The following MATR3 variants were observed in gnomAD, a reference collection of about 807,000 sequenced individuals.
The protein encoded by MATR3 is matrin-3.
Under a neutral mutation model 85.5 loss-of-function variants are expected in MATR3, and 4 were observed. That is an observed-to-expected ratio of 0.05 (90% confidence interval 0.02 to 0.11). MATR3 has a LOEUF of 0.11. Among genes scored for constraint, MATR3 ranks in the 10% least tolerant of loss-of-function variants. The pLI is 1.00. For synonymous variants in MATR3, 336 were observed against 343.1 expected, an observed-to-expected ratio of 0.98 and a Z score of 0.23; for missense variants, 685 against 1,016.1, an observed-to-expected ratio of 0.67 and a Z score of 4.43.
chr5:139,317,523 G>C (rs988529758), intron 6 of MATR3, 73 bp from the exon 7 acceptor site: 3 of 1,404,474 alleles, frequency 2.1e-6, no homozygotes, highest in Admixed American at 3.4e-5. Flanking sequence ...ATTATAAAAA[G>C]TCCTAATGCG....
chr5:139,284,314 GTGA>G (rs1451758801), intron 3 of MATR3, among the ~76,000 whole-genome samples: 1 of 152,244 alleles, frequency 6.6e-6, no homozygotes, highest in East Asian at 1.9e-4. Flanking sequence ...TAAACATTAA[GTGA>G]TGATAATGGA....
At chr5:139,317,424 G>A (rs778115352) in intron 6 of MATR3, among the ~76,000 whole-genome samples, 172 bp from the exon 7 acceptor site, 18 of 152,190 alleles carry the variant, frequency 1.2e-4, no homozygotes, top group Admixed American at 5.2e-4. Flanking sequence ...TGGTCAGAAA[G>A]AACTTACCCA....
rs1359945511 is a variant in MATR3, at chr5:139,330,297, A to C, written c.*902A>C. On this transcript the variant is annotated 3_prime_UTR_variant, in exon 15 of 15. Transcript: ENST00000394805. ...GCACATGTGACCTTTGTGAACAGAA[A>C]TTTGCATGTATAATTTGTGTTTACT... 7 of 453,548 alleles carry C rather than the reference A, an allele frequency of 1.5e-5. No individual in the cohort carries two copies. Among genetic ancestry groups the C allele is most frequent in the Non-Finnish European group, 3.1e-5 (7 of 226,314 alleles). 28.1% of individuals were successfully genotyped at this position (453,548 alleles called of 1,614,324 possible).
chr5:139,292,577 G>C (rs900872526), upstream of MATR3, among the ~76,000 whole-genome samples: 4 of 152,154 alleles, frequency 2.6e-5, no homozygotes, highest in African/African-American at 9.7e-5. Context: ...AGAGTGTATT[G>C]CATTCAGTCA....
At chr5:139,276,202 G>T (rs1290915948) in intron 2 of MATR3, 13 of 456,606 alleles carry the variant, frequency 2.8e-5, no homozygotes, top group Non-Finnish European at 4.4e-6. Context: ...CAGCTGCCTA[G>T]GTTGTCTTGT....
At chr5:139,301,733 G>GT (rs1754455820) in intron 1 of MATR3, among the ~76,000 whole-genome samples, 1 of 152,186 alleles carries the variant, frequency 6.6e-6, no homozygotes, top group Non-Finnish European at 1.5e-5. Flanking sequence ...GGTACACGGG[G>GT]TAACTTTCTA....
intron 14 of MATR3, among the ~76,000 whole-genome samples, chr5:139,329,029 G>A (rs554329053): frequency 1.3e-5 from 2 of 151,918 alleles, no homozygotes; most frequent in Non-Finnish European, 2.9e-5. Flanking sequence ...AAAAGTGCAT[G>A]TCATTTAAAC....
At chr5:139,300,026 T>C (rs1371167439) in intron 1 of MATR3, 1 of 151,994 alleles carries the variant, frequency 6.6e-6, no homozygotes, top group Non-Finnish European at 1.5e-5. Context: ...TTTTTCCACT[T>C]TTACTAGAAT....
At chr5:139,284,203 TAAAA>T (rs1753629388) in intron 3 of MATR3, among the ~76,000 whole-genome samples, 1 of 152,208 alleles carries the variant, frequency 6.6e-6, no homozygotes, top group Non-Finnish European at 1.5e-5. Context: ...TTTGTTCTTA[TAAAA>T]GAATTTTTTT....
chr5:139,317,126 T>G (rs1241825160), intron 6 of MATR3, 21 bp downstream of exon 6: 5 of 1,599,738 alleles, frequency 3.1e-6, no homozygotes, highest in East Asian at 2.2e-5. Context: ...AAGCTTTTGG[T>G]TTTACTGTAT....
intron 1 of MATR3, among the ~76,000 whole-genome samples, chr5:139,298,686 G>A (rs913906036): frequency 1.3e-5 from 2 of 152,136 alleles, no homozygotes; most frequent in African/African-American, 2.4e-5. Flanking sequence ...TTTTAGATAC[G>A]TGACTGAAAA....
chr5:139,313,116 A>G (rs1237689577), intron 2 of MATR3: 1 of 148,932 alleles, frequency 6.7e-6, no homozygotes, highest in Non-Finnish European at 1.5e-5. Flanking sequence ...GTACCTTGGT[A>G]CCTTACTCTA....
chr5:139,325,260 A>G (rs1232868165), intron 12 of MATR3, 180 bp from the exon 13 acceptor site: 13 of 1,549,582 alleles, frequency 8.4e-6, no homozygotes, highest in South Asian at 6.0e-5. Flanking sequence ...ATGCTGCAGG[A>G]TAATTGTTGC....
Position 139,331,641 on chromosome 5 carries a change from C to A in MATR3, c.*2246C>A. On this transcript the variant is annotated 3_prime_UTR_variant, in exon 15 of 15. Transcript: ENST00000394805. ...AGCCCTTAGTTTAATCTTACATTAT[C>A]CTACAAAAGTGAATGAAACTTCTAG... is the stretch of plus-strand genomic sequence containing the variant. 2.2e-6 allele frequency: 1 copy of A among 448,916 alleles called. No individual in the cohort carries two copies. Among genetic ancestry groups the A allele is most frequent in the Non-Finnish European group, 4.4e-6 (1 of 224,722 alleles). 27.8% of individuals were successfully genotyped at this position (448,916 alleles called of 1,614,324 possible).
intron 1 of MATR3, among the ~76,000 whole-genome samples, chr5:139,299,490 G>A (rs139259257): frequency 3.9e-5 from 6 of 152,270 alleles, no homozygotes; most frequent in Non-Finnish European, 8.8e-5. Flanking sequence ...CTCATGCAAC[G>A]TAGTGAGACC....
chr5:139,321,002 C>T lies in MATR3; in HGVS notation c.1603-896C>T, dbSNP rs145974206. On this transcript the variant is annotated intron_variant, in intron 9 of 14. Transcript: ENST00000394805. ...CGATCCCCTGACCTTGTGATCCGCC[C>T]GTCTCGGCCTCCCAAAGTGCTGGGA... Among the ~76,000 whole-genome samples the T allele has an allele frequency of 8.2e-3, 1,247 of 151,612 alleles. 13 individuals are homozygous for T. Among genetic ancestry groups the T allele is most frequent in the African/African-American group, 0.028 (1,141 of 41,274 alleles).
intron 14 of MATR3, among the ~76,000 whole-genome samples, chr5:139,327,386 G>A (rs80120386): frequency 6.6e-6 from 1 of 151,490 alleles, no homozygotes; most frequent in East Asian, 1.9e-4. Flanking sequence ...AAGAATTGTG[G>A]CTATTTGCAA....
chr5:139,303,097 AT>A (rs2151948474), intron 1 of MATR3, among the ~76,000 whole-genome samples: 1 of 149,728 alleles, frequency 6.7e-6, no homozygotes, highest in African/African-American at 2.5e-5. Flanking sequence ...GAGAAAAATT[AT>A]TTTTTTATTT....
intron 9 of MATR3, 124 bp from the exon 10 acceptor site, chr5:139,321,774 C>A (rs947950340): frequency 7.5e-6 from 7 of 938,670 alleles, no homozygotes; most frequent in Middle Eastern, 3.3e-4. Context: ...CACAGTGAGA[C>A]CCTGTCTCAA....
Sources: gnomAD v4.1 joint callset for allele counts (sites outside exome capture counted in the v4.1 genomes callset) on GRCh38, gnomAD v4.1.1 for gene constraint, MANE v1.5 for transcripts, NCBI Gene and HGNC (gene_info 2026-07-23, HGNC 2026-07-21) for gene names.